The following KIF21B variants were observed in gnomAD, a reference collection of about 807,000 sequenced individuals.
KIF21B encodes kinesin family member 21B.
KIF21B carries 85 observed loss-of-function variants against 192.9 expected under a neutral mutation model. The ratio of observed to expected loss-of-function variants is 0.44; its 90% CI spans 0.37 to 0.53. The LOEUF is 0.53. Among genes scored for constraint, KIF21B ranks in the 20% least tolerant of loss-of-function variants. KIF21B has a pLI of 0.00. For missense variants in KIF21B, 1,716 were observed against 2,194.8 expected (o/e 0.78, Z 4.36); for synonymous variants, 832 against 884.6 (o/e 0.94, Z 1.05).
chr1:200,971,790 C>T lies in KIF21B; in HGVS notation c.*1731G>A, dbSNP rs1655225693. The T allele has an allele frequency of 6.6e-6, 1 of 152,476 alleles. No homozygotes were observed. Among genetic ancestry groups the T allele is most frequent in the Admixed American group, 6.5e-5 (1 of 15,286 alleles). 9.4% of individuals were successfully genotyped at this position (152,476 alleles called of 1,614,324 possible). Reference sequence around the variant, plus strand: ...GCCGTCTTAGCCTCTGTGGCAGCTCCGAGGAGGGCACGGGGAAGGGACCAG... The same window carrying T: ...GCCGTCTTAGCCTCTGTGGCAGCTCTGAGGAGGGCACGGGGAAGGGACCAG... On this transcript the variant is annotated 3_prime_UTR_variant, in exon 35 of 35. Transcript: ENST00000461742.
intron 1 of KIF21B, among the ~76,000 whole-genome samples, chr1:201,012,613 GCTTT>G (rs1295135684): frequency 7.2e-6 from 1 of 139,738 alleles, no homozygotes; most frequent in Non-Finnish European, 1.6e-5. Flanking sequence ...TCCTCAAGCT[GCTTT>G]CTGTCAGAAA....
Position 200,974,878 on chromosome 1 carries a change from G to C in KIF21B, c.4650C>G (p.Ala1550=). ...TGGGGCGGCCCGGGATGAAGGCCAG[G>C]GCGCACACCCAGTCCTTGTGCGCAT... ...IPNAHKDWVC[A]LAFIPGRPML... is the part of the protein sequence containing the mutation. Residue 1550 remains alanine (A), a synonymous_variant, in exon 34 of 35, where the codon GCC becomes GCG. Transcript: ENST00000461742. The C allele has an allele frequency of 1.2e-6, 2 of 1,614,098 alleles. No homozygotes were observed. The highest frequency in any genetic ancestry group is 2.2e-5 in the South Asian group (2 of 91,082).
chr1:201,018,801 TC>T (rs1335468366), intron 1 of KIF21B, among the ~76,000 whole-genome samples: 1 of 152,218 alleles, frequency 6.6e-6, no homozygotes, highest in Non-Finnish European at 1.5e-5. Context: ...CATACTCCTC[TC>T]CACCACACCA....
chr1:200,974,946 G>C lies in KIF21B; in HGVS notation c.4615-33C>G, dbSNP rs1444518195. The stretch of plus-strand genomic sequence containing the variant: ...AGGATCAGGGCTGGTGAGGGCTGGG[G>C]GAGGTGATGAGGGAGAGAACCTGCC... On this transcript the variant is annotated intron_variant, in intron 33 of 34. Coordinates refer to ENST00000461742, the MANE Select transcript of KIF21B (RefSeq NM_001252102.2). 4 of 1,604,668 alleles carry C rather than the reference G, an allele frequency of 2.5e-6. No homozygotes were observed. In the South Asian group the frequency reaches 3.3e-5, roughly 13 times the overall value.
At chr1:200,977,080 G>T in intron 31 of KIF21B, 132 bp downstream of exon 31, 1 of 1,144,448 alleles carries the variant, frequency 8.7e-7, no homozygotes, top group Non-Finnish European at 1.3e-6. Flanking sequence ...GAGGGCACAG[G>T]CCCAGCAGCA....
In KIF21B at chr1:201,023,444, G is replaced by T. The variant is rs978334143; in HGVS notation, c.-61C>A. 2 of 1,254,082 alleles carry T rather than the reference G, an allele frequency of 1.6e-6. No individual in the cohort carries two copies. The highest frequency in any genetic ancestry group is 3.1e-5 in the African/African-American group (2 of 64,312). 77.7% of individuals were successfully genotyped at this position (1,254,082 alleles called of 1,614,324 possible). On this transcript the variant is annotated 5_prime_UTR_variant, in exon 1 of 35. Coordinates refer to ENST00000461742, the MANE Select transcript of KIF21B (RefSeq NM_001252102.2). This position sits in a 1 kb window ranked among gnomAD's most constrained non-coding sequence, Gnocchi z 5.9. ...GGCGGGGGTCTGGGGGCCAATGCCC[G>T]AGGCAGCGGCTGCGGCTGCGGGAGG...
In KIF21B at chr1:201,023,669, C is replaced by G. The variant is rs1293439823; in HGVS notation, c.-286G>C. The G allele has an allele frequency of 6.6e-6, 1 of 151,174 alleles. No individual in the cohort carries two copies. The highest frequency in any genetic ancestry group is 2.0e-4 in the South Asian group (1 of 4,934). The allele number at this position is 151,174 out of a possible 1,614,324, so 9.4% of individuals were successfully genotyped here. A position where few individuals can be genotyped will look rare whatever the true frequency, so the allele number is the denominator to read the frequency against. On this transcript the variant is annotated 5_prime_UTR_variant, in exon 1 of 35. Transcript: ENST00000461742. The surrounding 1 kb of genome is among the most constrained non-coding windows in gnomAD (Gnocchi z 5.9). Reference sequence around the variant, plus strand: ...GCCGCTCCCTACGGCGCGGCACACGCGCACACACCTCCCACCCGGCAGCCA... The same window carrying G: ...GCCGCTCCCTACGGCGCGGCACACGGGCACACACCTCCCACCCGGCAGCCA...
chr1:200,994,791 G>C (rs536717868), intron 15 of KIF21B, among the ~76,000 whole-genome samples: 1 of 152,334 alleles, frequency 6.6e-6, no homozygotes, highest in East Asian at 1.9e-4. Flanking sequence ...AACAGCATGT[G>C]CAGGCCCCTG....
intron 31 of KIF21B, 52 bp from the exon 32 acceptor site, chr1:200,976,945 G>T (rs756137741): frequency 1.4e-6 from 2 of 1,393,900 alleles, no homozygotes; most frequent in South Asian, 1.2e-5. Context: ...GGGGACCCTG[G>T]GTTGGGGTGG....
intron 1 of KIF21B, among the ~76,000 whole-genome samples, chr1:201,009,891 T>C (rs1407777038): frequency 1.3e-5 from 2 of 152,240 alleles, no homozygotes; most frequent in Non-Finnish European, 2.9e-5. Context: ...TGTCCAGGTC[T>C]GTCTGACATA....
In KIF21B at chr1:201,008,833, T is replaced by G; in HGVS notation, c.383A>C (p.Lys128Thr). The G allele has an allele frequency of 6.2e-7, 1 of 1,608,556 alleles. No individual in the cohort carries two copies. The highest frequency in any genetic ancestry group is 8.5e-7 in the Non-Finnish European group (1 of 1,179,964). Reference sequence around the variant, plus strand: ...CACGCCCTGCTCCTGTGCCCGGCGCTTGCGCTCGGCAATGCCCCCAAAGAG... The same window carrying G: ...CACGCCCTGCTCCTGTGCCCGGCGCGTGCGCTCGGCAATGCCCCCAAAGAG... The part of the protein sequence containing the change: ...AHLFGGIAER[K>T]RRAQEQGVAG... The change falls in exon 3 of 35, where the codon AAG (lysine) becomes ACG (threonine). Residue 128 changes from lysine to threonine, a missense_variant. Physicochemically the swap from Lys to Thr is moderately conservative, Grantham distance 78 (BLOSUM62 -1). Around this residue, in one of 3 missense-constraint regions of KIF21B, gnomAD observed 1,087 missense variants for 1,316.6 expected, o/e 0.83. Coordinates refer to ENST00000461742, the MANE Select transcript of KIF21B (RefSeq NM_001252102.2).
In KIF21B at chr1:201,000,744, T is replaced by C; in HGVS notation, c.1439A>G (p.Asn480Ser). 1 of 1,614,212 alleles carries C rather than the reference T, an allele frequency of 6.2e-7. No homozygotes were observed. Residue 480 changes from asparagine (N) to serine (S), a missense_variant, in exon 10 of 35, where the codon AAC becomes AGC. Physicochemically the swap from Asn to Ser is conservative, Grantham distance 46. Coordinates refer to ENST00000461742, the MANE Select transcript of KIF21B (RefSeq NM_001252102.2). This position sits in a 1 kb window ranked among gnomAD's most constrained non-coding sequence, Gnocchi z 6.0. ...GNEAIGALIQ[N>S]YIREIEELRT... ...TAGCTCCTCGATCTCCCGGATGTAG[T>C]TCTGGATCAGCGCACCAATGGCCTC...
At position 200,984,922 on chromosome 1, in the gene KIF21B, C is replaced by A; in HGVS notation, c.3740G>T (p.Arg1247Leu). 2 of 1,606,686 alleles carry A rather than the reference C, an allele frequency of 1.2e-6. No homozygotes were observed. The highest frequency in any genetic ancestry group is 1.7e-6 in the Non-Finnish European group (2 of 1,177,260). The change falls in exon 27 of 35, where the codon CGC (arginine) becomes CTC (leucine). Residue 1247 changes from arginine (R) to leucine (L), a missense_variant. Physicochemically the swap from Arg to Leu is moderately radical, Grantham distance 102. Transcript: ENST00000461742. ...TPPSSPPTRP[R>L]NDRNVFSRLT... ...ACGAGAGAAGACATTGCGGTCATTG[C>A]GGGGCCGAGTGGGAGGGGATGATGG... is the stretch of plus-strand genomic sequence containing the variant.
At chr1:200,984,714 G>A in intron 27 of KIF21B, 145 bp downstream of exon 27, 1 of 546,354 alleles carries the variant, frequency 1.8e-6, no homozygotes, top group Non-Finnish European at 3.2e-6. Context: ...CCAGGAGAGG[G>A]CATCAGGGCC....
In KIF21B at chr1:200,975,791, C is replaced by G. The variant is rs1265409958; in HGVS notation, c.4444-122G>C. 6.1e-6 allele frequency: 6 copies of G among 985,952 alleles called. No homozygotes were observed. The highest frequency in any genetic ancestry group is 1.8e-5 in the South Asian group (1 of 56,432). The allele number at this position is 985,952 out of a possible 1,614,324, so 61.1% of individuals were successfully genotyped here. A position where few individuals can be genotyped will look rare whatever the true frequency, so the allele number is the denominator to read the frequency against. ...TGGCTAGGGTGACAGCCACTGCCCTCTGGGGAGAGGAGCTTCCCAGCAGGC... is the reference window on the plus strand; with the variant it reads ...TGGCTAGGGTGACAGCCACTGCCCTGTGGGGAGAGGAGCTTCCCAGCAGGC... On this transcript the variant is annotated intron_variant, in intron 32 of 34. Coordinates refer to ENST00000461742, the MANE Select transcript of KIF21B (RefSeq NM_001252102.2). This position sits in a 1 kb window ranked among gnomAD's most constrained non-coding sequence, Gnocchi z 4.3.
rs370605461 is a variant in KIF21B at position 200,974,845 on chromosome 1, G to T, written c.4683C>A (p.Leu1561=). The T allele has an allele frequency of 3.7e-6, 6 of 1,614,104 alleles. No individual in the cohort carries two copies. The change falls in exon 34 of 35, where the codon CTC becomes CTA. Residue 1561 remains leucine, a synonymous_variant. Transcript: ENST00000461742. The part of the protein sequence containing the change: ...LAFIPGRPML[L]SACRAGVIKV... ...TGATGACACCCGCACGGCAGGCGCT[G>T]AGCAGCATGGGGCGGCCCGGGATGA...
chr1:201,005,707 G>A lies in KIF21B; in HGVS notation c.448-13C>T, dbSNP rs775986002. ...CCTCGTTGTAGAGCTGTGCAGGAAG[G>A]AAACAGCTGAATTCATAGGGCATTC... On this transcript the variant is annotated splice_polypyrimidine_tract_variant and intron_variant, in intron 3 of 34. Coordinates refer to ENST00000461742, the MANE Select transcript of KIF21B (RefSeq NM_001252102.2). 5.0e-6 allele frequency: 8 copies of A among 1,612,038 alleles called. No homozygotes were observed. In the Admixed American group the frequency reaches 1.2e-4, roughly 24 times the overall value.
At chr1:200,984,792 G>A in intron 27 of KIF21B, 67 bp downstream of exon 27, 5 of 1,235,460 alleles carry the variant, frequency 4.0e-6, no homozygotes, top group Non-Finnish European at 5.6e-6. Flanking sequence ...CCTCCAGCAA[G>A]GACCATCCAC....
At chr1:200,978,449 G>A (rs1441171498) in intron 30 of KIF21B, among the ~76,000 whole-genome samples, 1 of 151,376 alleles carries the variant, frequency 6.6e-6, no homozygotes, top group East Asian at 1.9e-4. Flanking sequence ...ACATGCCCCT[G>A]CTCCCACACA....
Sources: allele counts gnomAD v4.1 joint callset (sites outside exome capture counted in the v4.1 genomes callset), GRCh38; gene constraint gnomAD v4.1.1; regional missense constraint gnomAD v4.1.1; non-coding constraint Gnocchi (gnomAD v3.1); transcripts MANE v1.5; gene names NCBI Gene and HGNC (gene_info 2026-07-23, HGNC 2026-07-21).